Variants in COLGALT2 observed in about 807,000 individuals in gnomAD.
COLGALT2 encodes the protein procollagen galactosyltransferase 2.
A neutral mutation model predicts 73.4 loss-of-function variants in COLGALT2; 49 were observed. The ratio of observed to expected loss-of-function variants is 0.67; its 90% CI spans 0.53 to 0.85. The LOEUF is 0.85. Among genes scored for constraint, COLGALT2 ranks in the 40% least tolerant of loss-of-function variants. The pLI is 0.00. For missense variants in COLGALT2, 722 were observed against 790.2 expected (o/e 0.91, Z 1.03); for synonymous variants, 295 against 307.6 (o/e 0.96, Z 0.43).
chr1:184,010,158 T>A lies in COLGALT2; in HGVS notation c.263+26937A>T, dbSNP rs141589690. ...ACCAGCCAGTCATGCAGGTGAATAATGTGGTTGAGAGACTACATACCCCGA... is the reference window on the plus strand; with the variant it reads ...ACCAGCCAGTCATGCAGGTGAATAAAGTGGTTGAGAGACTACATACCCCGA... On this transcript the variant is annotated intron_variant, in intron 1 of 11. Coordinates refer to ENST00000361927, the MANE Select transcript of COLGALT2 (RefSeq NM_015101.4). Among the ~76,000 whole-genome samples the A allele has an allele frequency of 3.9e-4, 59 of 152,278 alleles. 1 individual carries two copies. In the East Asian group the frequency reaches 0.011, roughly 29 times the overall value.
At chr1:183,945,364 T>C (rs530977406) in intron 9 of COLGALT2, 68 bp downstream of exon 9, 1 of 1,560,786 alleles carries the variant, frequency 6.4e-7, no homozygotes, top group Non-Finnish European at 8.7e-7. Context: ...TGGCCCTAAC[T>C]CACCTACGAT....
chr1:184,029,306 A>G (rs1649429972), intron 1 of COLGALT2, among the ~76,000 whole-genome samples: 1 of 152,240 alleles, frequency 6.6e-6, no homozygotes, highest in Non-Finnish European at 1.5e-5. Flanking sequence ...AAAGTAATAC[A>G]ATCCTGATCC....
chr1:183,985,568 C>T (rs111907632), intron 1 of COLGALT2, among the ~76,000 whole-genome samples: 1,920 of 152,280 alleles, frequency 0.013, 38 homozygotes, highest in African/African-American at 0.043. Context: ...CCACCGCACC[C>T]GGCCAGGACA....
In COLGALT2 at chr1:183,936,716, G is replaced by T. The variant is rs1158103320; in HGVS notation, c.*2045C>A. 8.1e-7 allele frequency: 1 copy of T among 1,229,912 alleles called. No homozygotes were observed. The highest frequency in any genetic ancestry group is 1.0e-6 in the Non-Finnish European group (1 of 987,356). The allele number at this position is 1,229,912 out of a possible 1,614,324, so 76.2% of individuals were successfully genotyped here. A position where few individuals can be genotyped will look rare whatever the true frequency, so the allele number is the denominator to read the frequency against. On this transcript the variant is annotated 3_prime_UTR_variant, in exon 12 of 12. Transcript: ENST00000361927. ...GGAATCACCTAAGGAATTTTCACTC[G>T]CTCCCCAGATGCTCTTTCTGTTTTT...
chr1:183,969,497 TTG>T (rs1387305510), intron 4 of COLGALT2, 24 bp from the exon 5 acceptor site: 7 of 1,575,872 alleles, frequency 4.4e-6, no homozygotes, highest in East Asian at 2.3e-5. Context: ...AATAGGTGGG[TTG>T]TGTTTTCTGA....
intron 4 of COLGALT2, among the ~76,000 whole-genome samples, chr1:183,971,710 G>A (rs1671041647): frequency 6.6e-6 from 1 of 152,228 alleles, no homozygotes; most frequent in African/African-American, 2.4e-5. Context: ...GCTTCATCCA[G>A]TGGTGTACTG....
In COLGALT2 at chr1:183,936,660, A is replaced by G. The variant is rs897743795; in HGVS notation, c.*2101T>C. 6.5e-6 allele frequency: 8 copies of G among 1,225,360 alleles called. No homozygotes were observed. The highest frequency in any genetic ancestry group is 8.1e-6 in the Non-Finnish European group (8 of 984,696). 75.9% of individuals were successfully genotyped at this position (1,225,360 alleles called of 1,614,324 possible). ...CACACATGCACACACTCAAATATGA[A>G]AACAAAAACCAGATACCCAAGGAAA... On this transcript the variant is annotated 3_prime_UTR_variant, in exon 12 of 12. Coordinates refer to ENST00000361927, the MANE Select transcript of COLGALT2 (RefSeq NM_015101.4).
intron 1 of COLGALT2, among the ~76,000 whole-genome samples, chr1:184,033,512 C>T (rs1352593378): frequency 6.6e-6 from 1 of 152,188 alleles, no homozygotes; most frequent in Non-Finnish European, 1.5e-5. Flanking sequence ...TGAGATCAGA[C>T]AGGTAAATGT....
intron 1 of COLGALT2, among the ~76,000 whole-genome samples, chr1:184,013,749 G>C (rs1052090075): frequency 2.4e-5 from 3 of 126,044 alleles, no homozygotes; most frequent in South Asian, 2.9e-4. Flanking sequence ...TTGGTGGGAG[G>C]GGGGGTAAAA....
intron 6 of COLGALT2, among the ~76,000 whole-genome samples, chr1:183,956,303 C>T (rs903956040): frequency 1.3e-5 from 2 of 152,110 alleles, no homozygotes; most frequent in African/African-American, 4.8e-5. Context: ...GTTCTTAGGC[C>T]AAACACAAGA....
intron 1 of COLGALT2, among the ~76,000 whole-genome samples, chr1:183,979,650 A>G (rs994140894): frequency 2.6e-5 from 4 of 152,134 alleles, no homozygotes; most frequent in African/African-American, 9.6e-5. Context: ...TATTTACAAA[A>G]ACAGGCAGTC....
At chr1:183,994,644 G>A (rs1445701704) in intron 1 of COLGALT2, among the ~76,000 whole-genome samples, 1 of 151,900 alleles carries the variant, frequency 6.6e-6, no homozygotes, top group Admixed American at 6.6e-5. Flanking sequence ...TAGTAGAGAC[G>A]GGGTTTCACC....
chr1:183,991,861 A>T (rs79471228), intron 1 of COLGALT2, among the ~76,000 whole-genome samples: 2 of 147,776 alleles, frequency 1.4e-5, no homozygotes, highest in Admixed American at 6.7e-5. Flanking sequence ...TTCTGATGGT[A>T]TTTTTTTTTT....
chr1:184,006,847 C>G (rs1426792341), intron 1 of COLGALT2, among the ~76,000 whole-genome samples: 1 of 152,190 alleles, frequency 6.6e-6, no homozygotes, highest in Non-Finnish European at 1.5e-5. Context: ...TTTCCCTCCT[C>G]TATCTTAACA....
intron 2 of COLGALT2, among the ~76,000 whole-genome samples, chr1:183,976,321 G>A (rs1191840873): frequency 6.9e-6 from 1 of 145,300 alleles, no homozygotes. Flanking sequence ...ACAGTCCATG[G>A]GCTTGGATTT....
chr1:183,979,956 A>G (rs1671303505), intron 1 of COLGALT2, among the ~76,000 whole-genome samples: 1 of 152,096 alleles, frequency 6.6e-6, no homozygotes, highest in African/African-American at 2.4e-5. Flanking sequence ...AGAAGTTGAT[A>G]ATAAAATAAA....
At position 183,936,651 on chromosome 1, in the gene COLGALT2, CAAATATG is replaced by C; in HGVS notation, c.*2103_*2109del. 8.2e-7 allele frequency: 1 copy of C among 1,221,828 alleles called. No homozygotes were observed. Among genetic ancestry groups the C allele is most frequent in the Non-Finnish European group, 1.0e-6 (1 of 982,476 alleles). 75.7% of individuals were successfully genotyped at this position (1,221,828 alleles called of 1,614,324 possible). A position where few individuals can be genotyped will look rare whatever the true frequency, so the allele number is the denominator to read the frequency against. ...AAAGTCATGCACACATGCACACACT[CAAATATG>C]AAAACAAAAACCAGATACCCAAGGA... On this transcript the variant is annotated 3_prime_UTR_variant, in exon 12 of 12. Coordinates refer to ENST00000361927, the MANE Select transcript of COLGALT2 (RefSeq NM_015101.4).
intron 6 of COLGALT2, among the ~76,000 whole-genome samples, chr1:183,958,262 T>C (rs917237008): frequency 1.3e-5 from 2 of 152,134 alleles, no homozygotes; most frequent in African/African-American, 4.8e-5. Flanking sequence ...ATTCAGAAAT[T>C]CCCTGACCAT....
chr1:184,027,151 T>C (rs1649356842), intron 1 of COLGALT2, among the ~76,000 whole-genome samples: 1 of 152,216 alleles, frequency 6.6e-6, no homozygotes, highest in Admixed American at 6.5e-5. Flanking sequence ...GTTTCTCCTA[T>C]GTAATCCTGT....
Sources: allele counts gnomAD v4.1 joint callset (sites outside exome capture counted in the v4.1 genomes callset), GRCh38; gene constraint gnomAD v4.1.1; transcripts MANE v1.5; gene names NCBI Gene and HGNC (gene_info 2026-07-23, HGNC 2026-07-21).